TOX: variants seen among roughly 807,000 people sequenced by gnomAD.
The protein encoded by TOX is thymocyte selection associated high mobility group box, also known as thymocyte selection-associated high mobility group box protein TOX.
Under a neutral mutation model 53.7 loss-of-function variants are expected in TOX, and 11 were observed. The observed-to-expected ratio is 0.20, with a 90% confidence interval of 0.13 to 0.34. TOX has a LOEUF of 0.34. TOX is among the 10% of genes least tolerant of loss of function. The probability of loss-of-function intolerance (pLI) is 1.00; values close to 1 mark genes in which losing one functional copy is unlikely to be tolerated. For missense variants in TOX, 570 were observed against 664.6 expected (o/e 0.86, Z 1.56); for synonymous variants, 225 against 245.3 (o/e 0.92, Z 0.77).
At chr8:59,102,068 C>A (rs199558709) in intron 1 of TOX, among the ~76,000 whole-genome samples, 1 of 152,184 alleles carries the variant, frequency 6.6e-6, no homozygotes, top group African/African-American at 2.4e-5. Flanking sequence ...ACACCCAAGA[C>A]TGAGCAAATT....
intron 3 of TOX, among the ~76,000 whole-genome samples, chr8:58,910,671 T>A (rs1466241497): frequency 3.9e-5 from 6 of 152,258 alleles, no homozygotes; most frequent in African/African-American, 1.4e-4. Context: ...TCAAAATGTA[T>A]TTATCAAGCA....
chr8:58,983,758 T>C (rs1298181034), intron 1 of TOX, among the ~76,000 whole-genome samples: 3 of 152,238 alleles, frequency 2.0e-5, no homozygotes, highest in Non-Finnish European at 4.4e-5. Flanking sequence ...TTTTGCCCTG[T>C]AGAGGTTCAT....
chr8:58,929,112 A>G (rs1227758794), intron 3 of TOX, among the ~76,000 whole-genome samples: 1 of 152,156 alleles, frequency 6.6e-6, no homozygotes, highest in Non-Finnish European at 1.5e-5. Flanking sequence ...TCTGTCAAAG[A>G]GTACTTCTAT....
chr8:59,030,512 C>T lies in TOX; in HGVS notation c.103-70504G>A, dbSNP rs140297223. On this transcript the variant is annotated intron_variant, in intron 1 of 8. Transcript: ENST00000361421. ...CGAAATGGAAAAACATAAGCATACG[C>T]GCTCGTTTGCTGCTTCTAACGTCAC... 4.4e-3 allele frequency among the ~76,000 whole-genome samples: 663 copies of T among 152,214 alleles called. 5 individuals carry two copies. The highest frequency in any genetic ancestry group is 0.011 in the African/African-American group (474 of 41,544).
chr8:58,879,742 A>G (rs1399858141), intron 3 of TOX, among the ~76,000 whole-genome samples: 2 of 152,004 alleles, frequency 1.3e-5, no homozygotes, highest in Non-Finnish European at 2.9e-5. Context: ...ACAAAACCAA[A>G]CCCTGGTTTT....
intron 2 of TOX, among the ~76,000 whole-genome samples, chr8:58,956,317 T>C (rs1299729428): frequency 1.3e-5 from 2 of 152,174 alleles, no homozygotes; most frequent in Non-Finnish European, 2.9e-5. Flanking sequence ...AGCATGCGTA[T>C]CTGAGTGGGC....
chr8:58,839,497 A>G (rs1053865370), intron 4 of TOX, among the ~76,000 whole-genome samples: 2 of 152,210 alleles, frequency 1.3e-5, no homozygotes, highest in African/African-American at 2.4e-5. Flanking sequence ...AAACACATTG[A>G]ACATATTTAA....
At chr8:58,973,891 A>G (rs886242175) in intron 1 of TOX, among the ~76,000 whole-genome samples, 1 of 151,778 alleles carries the variant, frequency 6.6e-6, no homozygotes, top group Admixed American at 6.6e-5. Context: ...TCTGCCTCCC[A>G]GGTTCAAGCA....
chr8:58,911,262 T>C (rs758562444), intron 3 of TOX, among the ~76,000 whole-genome samples: 5 of 152,174 alleles, frequency 3.3e-5, no homozygotes, highest in East Asian at 1.9e-4. Context: ...GGGACGAGTG[T>C]AGTTATTTAA....
intron 3 of TOX, among the ~76,000 whole-genome samples, chr8:58,887,679 T>G (rs1489826274): frequency 6.6e-6 from 1 of 152,070 alleles, no homozygotes; most frequent in Non-Finnish European, 1.5e-5. Context: ...ATTTTATTTC[T>G]CAGTTCTACT....
intron 6 of TOX, among the ~76,000 whole-genome samples, chr8:58,817,938 T>G (rs947733756): frequency 2.6e-5 from 4 of 152,148 alleles, no homozygotes; most frequent in African/African-American, 9.6e-5. Flanking sequence ...AATAAAAATA[T>G]CGAATTCAAA....
At chr8:59,105,807 C>T (rs1048152969) in intron 1 of TOX, among the ~76,000 whole-genome samples, 23 of 152,102 alleles carry the variant, frequency 1.5e-4, no homozygotes, top group Non-Finnish European at 4.4e-5. Context: ...CCCAAAGTTT[C>T]CTGTTACATA....
intron 2 of TOX, among the ~76,000 whole-genome samples, chr8:58,945,975 T>G (rs1812516402): frequency 6.6e-6 from 1 of 152,216 alleles, no homozygotes. Flanking sequence ...TATCATCTCG[T>G]ATGTATCTTT....
At chr8:58,905,025 C>G (rs954120865) in intron 3 of TOX, among the ~76,000 whole-genome samples, 8 of 152,192 alleles carry the variant, frequency 5.3e-5, no homozygotes, top group African/African-American at 1.7e-4. Flanking sequence ...CTCCACCTCC[C>G]AGGTTCAAGT....
intron 1 of TOX, among the ~76,000 whole-genome samples, chr8:59,106,041 A>G (rs1327282087): frequency 6.6e-6 from 1 of 152,170 alleles, no homozygotes; most frequent in Non-Finnish European, 1.5e-5. Flanking sequence ...GCAGAAATGA[A>G]TCTTCAACCA....
intron 1 of TOX, among the ~76,000 whole-genome samples, chr8:59,112,569 T>C (rs185498578): frequency 6.6e-6 from 1 of 152,270 alleles, no homozygotes; most frequent in Non-Finnish European, 1.5e-5. Context: ...AAAGTGCATA[T>C]TCAAAGAAAA....
intron 3 of TOX, among the ~76,000 whole-genome samples, chr8:58,914,762 G>A (rs1463774943): frequency 1.3e-5 from 1 of 74,432 alleles, no homozygotes; most frequent in Non-Finnish European, 3.9e-5. Flanking sequence ...GCAGAAGACG[G>A]GTGATTTCTG....
chr8:59,000,231 A>G (rs1163258772), intron 1 of TOX, among the ~76,000 whole-genome samples: 2 of 152,196 alleles, frequency 1.3e-5, no homozygotes, highest in East Asian at 3.8e-4. Context: ...TGAAGGGGTT[A>G]TAAAATAAAG....
chr8:58,869,475 A>C (rs781092236), intron 3 of TOX, among the ~76,000 whole-genome samples: 232 of 152,264 alleles, frequency 1.5e-3, no homozygotes, highest in Non-Finnish European at 2.6e-3. Context: ...AAATTATACC[A>C]ATTCTCCACA....
Sources: gnomAD v4.1 joint callset for allele counts (sites outside exome capture counted in the v4.1 genomes callset) on GRCh38, gnomAD v4.1.1 for gene constraint, MANE v1.5 for transcripts, NCBI Gene and HGNC (gene_info 2026-07-23, HGNC 2026-07-21) for gene names.